Variants in CNBD1 observed in about 807,000 individuals in gnomAD.
The protein encoded by CNBD1 is cyclic nucleotide-binding domain-containing protein 1.
CNBD1 carries 71 observed loss-of-function variants against 54.4 expected under a neutral mutation model. The ratio of observed to expected loss-of-function variants is 1.30; its 90% CI spans 1.08 to 1.59. The LOEUF (loss-of-function observed/expected upper bound fraction) is 1.59. Among genes scored for constraint, CNBD1 ranks in the 40% most tolerant of loss-of-function variants. The pLI is 0.00. For missense variants in CNBD1, 659 were observed against 518.0 expected, an observed-to-expected ratio of 1.27 and a Z score of -2.64; for synonymous variants, 182 against 170.7, an observed-to-expected ratio of 1.07 and a Z score of -0.51.
At chr8:86,918,815 AAG>A (rs1251051933) in intron 3 of CNBD1, among the ~76,000 whole-genome samples, 4 of 150,912 alleles carry the variant, frequency 2.7e-5, no homozygotes, top group Admixed American at 2.6e-4. Context: ...AAAAAAAAAA[AAG>A]ATTTAGGGAG....
intron 4 of CNBD1, among the ~76,000 whole-genome samples, chr8:87,187,135 AG>A (rs201729433): frequency 6.6e-6 from 1 of 150,690 alleles, no homozygotes; most frequent in Admixed American, 6.7e-5. Flanking sequence ...ATCTCCAAAA[AG>A]GCAACATTTT....
At chr8:87,248,207 G>A (rs1807845831) in intron 6 of CNBD1, among the ~76,000 whole-genome samples, 2 of 152,080 alleles carry the variant, frequency 1.3e-5, no homozygotes, top group African/African-American at 4.8e-5. Context: ...TGTGTACCAT[G>A]GTGACTCATT....
chr8:86,930,423 AGAGTGCCTG>A (rs1809437721), intron 3 of CNBD1, among the ~76,000 whole-genome samples: 1 of 152,204 alleles, frequency 6.6e-6, no homozygotes, highest in African/African-American at 2.4e-5. Context: ...CTGAAGGACC[AGAGTGCCTG>A]GACTTGAGAA....
At chr8:87,261,830 G>A (rs558993994) in intron 6 of CNBD1, among the ~76,000 whole-genome samples, 14 of 152,120 alleles carry the variant, frequency 9.2e-5, no homozygotes, top group East Asian at 3.9e-4. Flanking sequence ...TGCTTTAACC[G>A]TTTCTAGTAA....
chr8:87,419,268 A>T (rs920713985), intron 2 of CNBD1, among the ~76,000 whole-genome samples: 2 of 151,940 alleles, frequency 1.3e-5, no homozygotes, highest in Non-Finnish European at 2.9e-5. Flanking sequence ...AATCAGAGAC[A>T]CAGAAAGATT....
At chr8:86,878,113 A>T (rs376186833) in intron 1 of CNBD1, among the ~76,000 whole-genome samples, 79 of 105,788 alleles carry the variant, frequency 7.5e-4, no homozygotes, top group African/African-American at 2.1e-3. Context: ...TGTGAGAGAG[A>T]GAGAGAGAGA....
chr8:87,191,187 A>G (rs192885707), intron 4 of CNBD1, among the ~76,000 whole-genome samples: 3 of 152,032 alleles, frequency 2.0e-5, no homozygotes, highest in Non-Finnish European at 2.9e-5. Context: ...AAGGCCCAAG[A>G]GTCCCCAGGA....
At position 87,108,644 on chromosome 8, in the gene CNBD1, A is replaced by G. The variant is rs1811592684; in HGVS notation, c.432-97349A>G. ...GGAGGAAGGGGTTTTAAGGCTTTTC[A>G]CTATGTGAATGTCAAGGAAGTCCTA... On this transcript the variant is annotated intron_variant, in intron 4 of 10. Transcript: ENST00000518476. Among the ~76,000 whole-genome samples the G allele has an allele frequency of 2.0e-5, 3 of 152,318 alleles. No homozygotes were observed. In the South Asian group the frequency reaches 6.2e-4, roughly 32 times the overall value.
intron 10 of CNBD1, among the ~76,000 whole-genome samples, chr8:87,361,545 T>C (rs1178790903): frequency 6.6e-6 from 1 of 151,824 alleles, no homozygotes; most frequent in Non-Finnish European, 1.5e-5. Context: ...ATCTAATGTT[T>C]ATATAGTTTT....
At chr8:87,273,382 T>TAAG (rs10628461) in intron 6 of CNBD1, among the ~76,000 whole-genome samples, 42,566 of 151,640 alleles carry the variant, frequency 0.28, 6,392 homozygotes, top group African/African-American at 0.39. Flanking sequence ...TACGATTAAG[T>TAAG]AAGAAGCCCA....
intron 4 of CNBD1, among the ~76,000 whole-genome samples, chr8:87,032,810 T>A (rs1210833808): frequency 2.0e-5 from 3 of 152,298 alleles, no homozygotes; most frequent in Admixed American, 1.3e-4. Context: ...TCTGCCAGAT[T>A]GTCTGATGTT....
intron 4 of CNBD1, among the ~76,000 whole-genome samples, chr8:87,200,915 T>C (rs1163832887): frequency 2.0e-5 from 3 of 152,156 alleles, no homozygotes; most frequent in Non-Finnish European, 4.4e-5. Context: ...GAAGCTAGCC[T>C]GATACCAAAA....
At chr8:87,234,025 ACTTT>A (rs1383908999) in intron 5 of CNBD1, among the ~76,000 whole-genome samples, 2 of 152,176 alleles carry the variant, frequency 1.3e-5, no homozygotes, top group African/African-American at 4.8e-5. Flanking sequence ...TAAAGAAACC[ACTTT>A]CTTTGTTCAT....
At position 87,266,438 on chromosome 8, in the gene CNBD1, C is replaced by CTTTTTTTTTT. The variant is rs72293236; in HGVS notation, c.772-18219_772-18210dup. Among the ~76,000 whole-genome samples, 12 of 50,130 alleles carry CTTTTTTTTTT rather than the reference C, an allele frequency of 2.4e-4. 1 individual carries two copies. Among genetic ancestry groups the CTTTTTTTTTT allele is most frequent in the South Asian group, 1.2e-3 (1 of 860 alleles). The allele number at this position is 50,130 out of a possible 152,430, so 32.9% of individuals were successfully genotyped here. A position where few individuals can be genotyped will look rare whatever the true frequency, so the allele number is the denominator to read the frequency against. On this transcript the variant is annotated intron_variant, in intron 6 of 10. Coordinates refer to ENST00000518476, the MANE Select transcript of CNBD1 (RefSeq NM_173538.3). Reference sequence around the variant, plus strand: ...GGTCCAAGTAAAAAAAAAAAAAAATCTTTTTTTTTTTTTTTTTTTTTTTTT... The same window carrying CTTTTTTTTTT: ...GGTCCAAGTAAAAAAAAAAAAAAATCTTTTTTTTTTTTTTTTTTTTTTTTTTTTTTTTTTT...
chr8:87,406,479 C>CACA (rs1462159200), intron 2 of CNBD1, among the ~76,000 whole-genome samples: 297 of 82,676 alleles, frequency 3.6e-3, no homozygotes, highest in African/African-American at 0.015. Context: ...CACACACACA[C>CACA]TTTTTTTTTT....
chr8:87,306,774 G>T (rs546572543), intron 8 of CNBD1, among the ~76,000 whole-genome samples: 4 of 152,064 alleles, frequency 2.6e-5, no homozygotes, highest in Non-Finnish European at 5.9e-5. Flanking sequence ...GAGTGGGAGG[G>T]GGGTGAGGGA....
intron 8 of CNBD1, among the ~76,000 whole-genome samples, chr8:87,342,654 T>C (rs1371964542): frequency 6.6e-6 from 1 of 151,992 alleles, no homozygotes; most frequent in Non-Finnish European, 1.5e-5. Context: ...CCTCTGAGGG[T>C]GCCATCACAT....
Position 87,341,735 on chromosome 8 carries a change from G to A in CNBD1, c.1043-9950G>A, listed in dbSNP as rs184493511. Among the ~76,000 whole-genome samples, 118 of 152,302 alleles carry A rather than the reference G, an allele frequency of 7.7e-4. 1 individual carries two copies. The highest frequency in any genetic ancestry group is 2.6e-3 in the African/African-American group (107 of 41,566). The stretch of plus-strand genomic sequence containing the variant: ...AAGTGTTTCCTGTCCTCTGGAGGAT[G>A]TAGCAACAAGACATAATCTTGGAAG... On this transcript the variant is annotated intron_variant, in intron 8 of 10. Coordinates refer to ENST00000518476, the MANE Select transcript of CNBD1 (RefSeq NM_173538.3).
rs72293236 is a variant in CNBD1, at chr8:87,266,438, C to CTTTTTT, written c.772-18215_772-18210dup. ...GGTCCAAGTAAAAAAAAAAAAAAAT[C>CTTTTTT]TTTTTTTTTTTTTTTTTTTTTTTTT... is the stretch of plus-strand genomic sequence containing the variant. On this transcript the variant is annotated intron_variant, in intron 6 of 10. Coordinates refer to ENST00000518476, the MANE Select transcript of CNBD1 (RefSeq NM_173538.3). 7.9e-3 allele frequency among the ~76,000 whole-genome samples: 397 copies of CTTTTTT among 50,154 alleles called. 57 individuals are homozygous for CTTTTTT. Among genetic ancestry groups the CTTTTTT allele is most frequent in the Non-Finnish European group, 9.7e-3 (294 of 30,302 alleles). The allele number at this position is 50,154 out of a possible 152,430, so 32.9% of individuals were successfully genotyped here.
Sources: gnomAD v4.1 joint callset for allele counts (sites outside exome capture counted in the v4.1 genomes callset) on GRCh38, gnomAD v4.1.1 for gene constraint, MANE v1.5 for transcripts, NCBI Gene and HGNC (gene_info 2026-07-23, HGNC 2026-07-21) for gene names.